Variants in FAM171A1 observed in about 807,000 individuals in gnomAD.
FAM171A1 encodes family with sequence similarity 171 member A1.
Under a neutral mutation model 74.9 loss-of-function variants are expected in FAM171A1, and 23 were observed. That is an observed-to-expected ratio of 0.31 (90% CI 0.22 to 0.44). FAM171A1 has a LOEUF of 0.44. FAM171A1 is among the 20% of genes least tolerant of loss of function. The pLI is 1.00. For missense variants in FAM171A1, 1,162 were observed against 1,159.2 expected (o/e 1.00, Z -0.03); for synonymous variants, 527 against 505.7 (o/e 1.04, Z -0.57).
At chr10:15,312,717 G>T in intron 1 of FAM171A1, among the ~76,000 whole-genome samples, 1 of 22,088 alleles carries the variant, frequency 4.5e-5, no homozygotes, top group East Asian at 1.7e-3. Flanking sequence ...TTTTTTTTGA[G>T]ACGATATTTT....
intron 3 of FAM171A1, among the ~76,000 whole-genome samples, chr10:15,266,650 G>C (rs1461860869): frequency 6.6e-6 from 1 of 152,064 alleles, no homozygotes; most frequent in African/African-American, 2.4e-5. Context: ...CGGATCACTT[G>C]AGGTCAGGAG....
intron 5 of FAM171A1, among the ~76,000 whole-genome samples, chr10:15,223,127 G>C (rs1356226345): frequency 6.6e-6 from 1 of 152,184 alleles, no homozygotes; most frequent in African/African-American, 2.4e-5. Context: ...ATCACTTGAA[G>C]CCAGGAGTTC....
At chr10:15,224,640 A>C (rs1465637061) in intron 5 of FAM171A1, among the ~76,000 whole-genome samples, 1 of 152,070 alleles carries the variant, frequency 6.6e-6, no homozygotes, top group Non-Finnish European at 1.5e-5. Flanking sequence ...CAGGAGATCT[A>C]ATGGTTTTAT....
intron 1 of FAM171A1, among the ~76,000 whole-genome samples, chr10:15,304,665 T>C (rs967341274): frequency 2.6e-5 from 4 of 152,172 alleles, no homozygotes; most frequent in Non-Finnish European, 5.9e-5. Flanking sequence ...CCCTGCCTGT[T>C]ATGGTGTAGC....
At chr10:15,216,896 G>A (rs978466720) in intron 6 of FAM171A1, among the ~76,000 whole-genome samples, 11 of 149,940 alleles carry the variant, frequency 7.3e-5, no homozygotes, top group South Asian at 2.1e-4. Context: ...AATCATTACC[G>A]TCTGGAGAGC....
chr10:15,213,749 T>G lies in FAM171A1; in HGVS notation c.1839A>C (p.Arg613Ser). ...VPADQQLEIE[R>S]LQAELSNPHA... Reference sequence around the variant, plus strand: ...GGGGATTGGACAGCTCAGCCTGTAGTCTTTCTATCTCAAGCTGCTGATCAG... The same window carrying G: ...GGGGATTGGACAGCTCAGCCTGTAGGCTTTCTATCTCAAGCTGCTGATCAG... Residue 613 changes from arginine to serine, a missense_variant, in exon 8 of 8, where the codon AGA becomes AGC. Arg to Ser is a moderately radical substitution (Grantham distance 110). Transcript: ENST00000378116. This position sits in a 1 kb window ranked among gnomAD's most constrained non-coding sequence, Gnocchi z 6.8. The G allele has an allele frequency of 6.2e-7, 1 of 1,613,900 alleles. No individual in the cohort carries two copies. Among genetic ancestry groups the G allele is most frequent in the Non-Finnish European group, 8.5e-7 (1 of 1,179,844 alleles).
At chr10:15,324,227 T>G (rs1447690883) in intron 1 of FAM171A1, among the ~76,000 whole-genome samples, 1 of 152,148 alleles carries the variant, frequency 6.6e-6, no homozygotes, top group African/African-American at 2.4e-5. Context: ...CATGCGCAAC[T>G]GAGACCCAAC....
chr10:15,324,737 A>T (rs77269403), intron 1 of FAM171A1, among the ~76,000 whole-genome samples: 1 of 145,704 alleles, frequency 6.9e-6, no homozygotes, highest in Non-Finnish European at 1.5e-5. Context: ...AGTGAGGGGG[A>T]AAAAAAAAAG....
chr10:15,218,358 C>T (rs898705469), intron 6 of FAM171A1, among the ~76,000 whole-genome samples: 1 of 152,116 alleles, frequency 6.6e-6, no homozygotes, highest in Non-Finnish European at 1.5e-5. Context: ...GGATTACAGG[C>T]ATGAACCACC....
At chr10:15,327,300 C>T (rs893250640) in intron 1 of FAM171A1, among the ~76,000 whole-genome samples, 1 of 152,130 alleles carries the variant, frequency 6.6e-6, no homozygotes, top group African/African-American at 2.4e-5. Flanking sequence ...AAAACTGTGC[C>T]TGGCATGTGC....
intron 3 of FAM171A1, among the ~76,000 whole-genome samples, chr10:15,261,118 A>G (rs577087043): frequency 5.9e-5 from 9 of 152,346 alleles, no homozygotes; most frequent in African/African-American, 1.7e-4. Flanking sequence ...CCGAACTATC[A>G]TATGAACAAA....
At chr10:15,352,133 G>T (rs1339176900) in intron 1 of FAM171A1, among the ~76,000 whole-genome samples, 1 of 151,892 alleles carries the variant, frequency 6.6e-6, no homozygotes. Flanking sequence ...CATCTACTTG[G>T]GAGGCTGAGG....
chr10:15,235,250 C>T (rs976951805), intron 5 of FAM171A1, among the ~76,000 whole-genome samples: 15 of 135,038 alleles, frequency 1.1e-4, no homozygotes, highest in Non-Finnish European at 2.0e-4. Flanking sequence ...TGCAGTGGGC[C>T]GAGATTGCGC....
At chr10:15,237,312 A>C (rs984526536) in intron 5 of FAM171A1, among the ~76,000 whole-genome samples, 1 of 152,194 alleles carries the variant, frequency 6.6e-6, no homozygotes, top group Non-Finnish European at 1.5e-5. Flanking sequence ...TTTAAACAAA[A>C]GTGCCCCCTG....
At chr10:15,238,523 C>A (rs1478296556) in intron 5 of FAM171A1, among the ~76,000 whole-genome samples, 5 of 152,012 alleles carry the variant, frequency 3.3e-5, no homozygotes, top group African/African-American at 1.2e-4. Context: ...CCGCCCTTCC[C>A]CCCCACCCCC....
chr10:15,225,540 T>A (rs1331197935), intron 5 of FAM171A1, among the ~76,000 whole-genome samples: 1 of 152,218 alleles, frequency 6.6e-6, no homozygotes, highest in Non-Finnish European at 1.5e-5. Flanking sequence ...TAGAAACACA[T>A]GCTTCTCATG....
chr10:15,274,129 GA>G (rs1421822988), intron 3 of FAM171A1, among the ~76,000 whole-genome samples: 4 of 152,196 alleles, frequency 2.6e-5, no homozygotes, highest in Non-Finnish European at 5.9e-5. Flanking sequence ...TGTATACTTA[GA>G]AAACCCCATC....
intron 1 of FAM171A1, among the ~76,000 whole-genome samples, chr10:15,337,150 G>A (rs1036436818): frequency 1.3e-5 from 2 of 151,852 alleles, no homozygotes; most frequent in African/African-American, 2.4e-5. Context: ...CAAAGTGTCA[G>A]GATTACATGT....
intron 5 of FAM171A1, among the ~76,000 whole-genome samples, chr10:15,233,325 AT>A (rs1180160492): frequency 6.6e-6 from 1 of 151,324 alleles, no homozygotes; most frequent in African/African-American, 2.4e-5. Context: ...ACAAAAAAAC[AT>A]TTTTTTTCCC....
Sources: gnomAD v4.1 joint callset for allele counts (sites outside exome capture counted in the v4.1 genomes callset) on GRCh38, gnomAD v4.1.1 for gene constraint, Gnocchi (gnomAD v3.1) non-coding constraint, MANE v1.5 for transcripts, NCBI Gene and HGNC (gene_info 2026-07-23, HGNC 2026-07-21) for gene names.